ACSS3: variants seen among roughly 807,000 people sequenced by gnomAD.
The protein encoded by ACSS3 is acyl-CoA synthetase short chain family member 3, also known as acyl-CoA synthetase short-chain family member 3, mitochondrial.
ACSS3 carries 64 observed loss-of-function variants against 84.2 expected under a neutral mutation model. That is an observed-to-expected ratio of 0.76 (90% CI 0.62 to 0.94). The LOEUF is 0.94. ACSS3 is among the 40% of genes least tolerant of loss of function. The probability of loss-of-function intolerance (pLI) is 0.00; values close to 1 mark genes in which losing one functional copy is unlikely to be tolerated. For missense variants in ACSS3, 815 were observed against 867.6 expected (o/e 0.94, Z 0.76); for synonymous variants, 317 against 310.1 (o/e 1.02, Z -0.23).
intron 9 of ACSS3, among the ~76,000 whole-genome samples, chr12:81,207,249 T>G (rs2135917076): frequency 6.6e-6 from 1 of 152,256 alleles, no homozygotes; most frequent in Middle Eastern, 3.4e-3. Flanking sequence ...TCTGGAAATT[T>G]GATTCCCCCT....
chr12:81,103,687 CTT>C (rs1394713431), intron 1 of ACSS3, among the ~76,000 whole-genome samples: 4 of 127,326 alleles, frequency 3.1e-5, no homozygotes, highest in Non-Finnish European at 5.9e-5. Context: ...AAAAGGTACT[CTT>C]GTTTAAAAAA....
At chr12:81,172,698 G>A (rs563645988) in intron 7 of ACSS3, among the ~76,000 whole-genome samples, 1 of 152,178 alleles carries the variant, frequency 6.6e-6, no homozygotes, top group African/African-American at 2.4e-5. Context: ...TTGCTATATG[G>A]TATAGGACTG....
In ACSS3 at chr12:81,255,376, T is replaced by G. The variant is rs974646968; in HGVS notation, c.*454T>G. ...TCTAGTATTCTTTAGATGCTCACAT[T>G]GTTTTAAATAAAATAGATGAAATGG... is the stretch of plus-strand genomic sequence containing the variant. On this transcript the variant is annotated 3_prime_UTR_variant, in exon 16 of 16. Transcript: ENST00000548058. 1 of 152,646 alleles carries G rather than the reference T, an allele frequency of 6.6e-6. No individual in the cohort carries two copies. The highest frequency in any genetic ancestry group is 1.5e-5 in the Non-Finnish European group (1 of 68,390). 9.5% of individuals were successfully genotyped at this position (152,646 alleles called of 1,614,324 possible).
chr12:81,123,610 C>T (rs970033868), intron 2 of ACSS3, among the ~76,000 whole-genome samples: 9 of 150,858 alleles, frequency 6.0e-5, no homozygotes, highest in East Asian at 3.9e-4. Context: ...TCTCACCCCC[C>T]TCTCACCCTC....
intron 9 of ACSS3, among the ~76,000 whole-genome samples, chr12:81,215,470 T>C (rs556060730): frequency 6.6e-6 from 1 of 152,304 alleles, no homozygotes; most frequent in African/African-American, 2.4e-5. Flanking sequence ...TGAACTACTC[T>C]GGAAGGTAAA....
chr12:81,122,143 G>T (rs1418004242), intron 2 of ACSS3, among the ~76,000 whole-genome samples: 2 of 151,988 alleles, frequency 1.3e-5, no homozygotes, highest in Non-Finnish European at 1.5e-5. Context: ...ATGTTGGTCA[G>T]GATGGTCTTG....
chr12:81,160,610 A>G (rs1448686397), intron 7 of ACSS3, among the ~76,000 whole-genome samples: 1 of 152,218 alleles, frequency 6.6e-6, no homozygotes, highest in African/African-American at 2.4e-5. Flanking sequence ...ACACTGTCTC[A>G]ATTTTCACTT....
chr12:81,259,865 T>C lies in ACSS3; in HGVS notation c.*4943T>C, dbSNP rs552469125. ...ATTTGGTGCAGGGGAGCTTAACAAA[T>C]AATAGAATTTGCTCAACTTTGTGGA... On this transcript the variant is annotated 3_prime_UTR_variant, in exon 16 of 16. Transcript: ENST00000548058. The C allele has an allele frequency of 4.7e-4, 190 of 400,942 alleles. 2 individuals carry two copies. The highest frequency in any genetic ancestry group is 7.7e-4 in the Middle Eastern group (2 of 2,586). 24.8% of individuals were successfully genotyped at this position (400,942 alleles called of 1,614,324 possible).
At chr12:81,153,878 T>TTTTA (rs1311500625) in intron 7 of ACSS3, among the ~76,000 whole-genome samples, 14 of 152,198 alleles carry the variant, frequency 9.2e-5, no homozygotes, top group Non-Finnish European at 1.2e-4. Context: ...TGTCTCTGAA[T>TTTTA]GCTAAGAAAT....
chr12:81,136,286 A>T (rs2121560867), intron 3 of ACSS3, among the ~76,000 whole-genome samples: 1 of 152,314 alleles, frequency 6.6e-6, no homozygotes, highest in Middle Eastern at 3.4e-3. Context: ...GTAATTGACC[A>T]GATAGTAAAT....
At chr12:81,083,272 C>T (rs1168348025) in intron 1 of ACSS3, among the ~76,000 whole-genome samples, 1 of 152,068 alleles carries the variant, frequency 6.6e-6, no homozygotes, top group Non-Finnish European at 1.5e-5. Context: ...TTTGTTTGAC[C>T]TACAAGTTTT....
At chr12:81,193,388 G>A (rs965774952) in intron 8 of ACSS3, among the ~76,000 whole-genome samples, 6 of 151,686 alleles carry the variant, frequency 4.0e-5, no homozygotes, top group African/African-American at 1.5e-4. Context: ...CATCAGATTT[G>A]TCTTTAGCTT....
At chr12:81,150,209 G>T (rs1036965235) in intron 5 of ACSS3, among the ~76,000 whole-genome samples, 2 of 152,012 alleles carry the variant, frequency 1.3e-5, no homozygotes, top group African/African-American at 4.8e-5. Flanking sequence ...GATAAAAATG[G>T]GTTCTAAATG....
At chr12:81,125,477 A>T (rs1885021568) in intron 2 of ACSS3, 1 of 152,138 alleles carries the variant, frequency 6.6e-6, no homozygotes, top group Admixed American at 6.6e-5. Context: ...ATTCTCTGCC[A>T]GTCTTCACTT....
At chr12:81,185,714 A>T (rs1042384141) in intron 8 of ACSS3, among the ~76,000 whole-genome samples, 1 of 151,840 alleles carries the variant, frequency 6.6e-6, no homozygotes, top group Non-Finnish European at 1.5e-5. Flanking sequence ...AAGAAAACAC[A>T]AATAAGTGGA....
chr12:81,148,987 G>A (rs1886482434), intron 5 of ACSS3, among the ~76,000 whole-genome samples: 1 of 151,856 alleles, frequency 6.6e-6, no homozygotes, highest in Non-Finnish European at 1.5e-5. Context: ...GGCTGAGGCA[G>A]GAGAATCGCT....
chr12:81,148,270 C>T (rs555566072), intron 5 of ACSS3, among the ~76,000 whole-genome samples: 2 of 152,202 alleles, frequency 1.3e-5, no homozygotes, highest in East Asian at 3.9e-4. Context: ...TTGCATTTTT[C>T]TTTTTCAAGT....
At chr12:81,241,783 G>A (rs1158821995) in intron 13 of ACSS3, among the ~76,000 whole-genome samples, 1 of 151,892 alleles carries the variant, frequency 6.6e-6, no homozygotes, top group Admixed American at 6.6e-5. Flanking sequence ...CCATTTTGTG[G>A]GTTGCCTGTT....
At chr12:81,158,055 C>A (rs1158360248) in intron 7 of ACSS3, among the ~76,000 whole-genome samples, 1 of 151,756 alleles carries the variant, frequency 6.6e-6, no homozygotes, top group Middle Eastern at 3.4e-3. Context: ...TATAAATCAG[C>A]AATGGCCACA....
Sources: allele counts gnomAD v4.1 joint callset (sites outside exome capture counted in the v4.1 genomes callset), GRCh38; gene constraint gnomAD v4.1.1; transcripts MANE v1.5; gene names NCBI Gene and HGNC (gene_info 2026-07-23, HGNC 2026-07-21).